SORCS2: variants seen among roughly 807,000 people sequenced by gnomAD.
The protein encoded by SORCS2 is sortilin related VPS10 domain containing receptor 2.
Under a neutral mutation model 141.6 loss-of-function variants are expected in SORCS2, and 100 were observed. The ratio of observed to expected loss-of-function variants is 0.71; its 90% CI spans 0.60 to 0.83. The LOEUF is 0.83. Among genes scored for constraint, SORCS2 ranks in the 40% least tolerant of loss-of-function variants. The probability of loss-of-function intolerance (pLI) is 0.00; values close to 1 mark genes in which losing one functional copy is unlikely to be tolerated. For synonymous variants in SORCS2, 789 were observed against 676.9 expected, an observed-to-expected ratio of 1.17 and a Z score of -2.57; for missense variants, 1,646 against 1,560.2, an observed-to-expected ratio of 1.05 and a Z score of -0.93.
intron 2 of SORCS2, among the ~76,000 whole-genome samples, chr4:7,461,958 A>AG (rs1729340930): frequency 3.3e-5 from 5 of 151,984 alleles, no homozygotes; most frequent in African/African-American, 1.2e-4. Context: ...CTGCTGTCCC[A>AG]CGGCAGCTGG....
At chr4:7,243,720 C>T (rs1284564154) in intron 1 of SORCS2, among the ~76,000 whole-genome samples, 2 of 152,262 alleles carry the variant, frequency 1.3e-5, no homozygotes, top group African/African-American at 4.8e-5. Flanking sequence ...CAAAGGCACA[C>T]TGAGCCCTGC....
intron 3 of SORCS2, among the ~76,000 whole-genome samples, chr4:7,592,825 T>TTGAA (rs757004065): frequency 1.2e-3 from 188 of 152,252 alleles, no homozygotes; most frequent in African/African-American, 2.3e-3. Flanking sequence ...TGTTGAATGA[T>TTGAA]TGAATGAATG....
At position 7,342,731 on chromosome 4, in the gene SORCS2, T is replaced by G. The variant is rs890052707; in HGVS notation, c.481-53557T>G. Among the ~76,000 whole-genome samples the G allele has an allele frequency of 2.0e-5, 3 of 152,174 alleles. No homozygotes were observed. In the East Asian group the frequency reaches 5.8e-4, roughly 29 times the overall value. ...GGTGTGTCCCCTATAAAGTTTCATG[T>G]AAAATAATCTGCCTTAAAGAATGGC... On this transcript the variant is annotated intron_variant, in intron 1 of 26. Transcript: ENST00000507866.
Position 7,472,128 on chromosome 4 carries a change from T to A in SORCS2, c.549-59402T>A, listed in dbSNP as rs114957438. ...CAGGACACTCAGGAGTGCTCTGTGC[T>A]GTTAGCTCGTGTCCCTGGCACTGCC... is the stretch of plus-strand genomic sequence containing the variant. On this transcript the variant is annotated intron_variant, in intron 2 of 26. Coordinates refer to ENST00000507866, the MANE Select transcript of SORCS2 (RefSeq NM_020777.3). Among the ~76,000 whole-genome samples the A allele has an allele frequency of 4.5e-3, 681 of 152,328 alleles. 2 individuals are homozygous for A. The highest frequency in any genetic ancestry group is 7.0e-3 in the Non-Finnish European group (474 of 68,030).
At chr4:7,423,666 C>A (rs1041316313) in intron 2 of SORCS2, among the ~76,000 whole-genome samples, 2 of 152,192 alleles carry the variant, frequency 1.3e-5, no homozygotes, top group African/African-American at 4.8e-5. Context: ...CCAGGACCAG[C>A]CCTACCCTGG....
rs923410997 is a variant in SORCS2, at chr4:7,742,385, T to G, written c.*2121T>G. ...CAACATGGAACCCTGGGAACTGCCC[T>G]CCCCCTTAGCTCACAGTGCCTGCGG... On this transcript the variant is annotated 3_prime_UTR_variant, in exon 27 of 27. Transcript: ENST00000507866. The G allele has an allele frequency of 6.6e-6, 1 of 152,250 alleles. No homozygotes were observed. Among genetic ancestry groups the G allele is most frequent in the Non-Finnish European group, 1.5e-5 (1 of 68,106 alleles). 9.4% of individuals were successfully genotyped at this position (152,250 alleles called of 1,614,324 possible).
chr4:7,681,923 A>G (rs1723549710), intron 9 of SORCS2, among the ~76,000 whole-genome samples: 1 of 152,208 alleles, frequency 6.6e-6, no homozygotes, highest in Admixed American at 6.5e-5. Flanking sequence ...CCTGGCACAC[A>G]GGAGGCCTTG....
At chr4:7,586,151 G>C (rs1471033200) in intron 3 of SORCS2, among the ~76,000 whole-genome samples, 1 of 152,128 alleles carries the variant, frequency 6.6e-6, no homozygotes, top group Non-Finnish European at 1.5e-5. Flanking sequence ...ATGATTTGGG[G>C]CTTGATATCT....
intron 1 of SORCS2, among the ~76,000 whole-genome samples, chr4:7,354,958 ATC>A (rs1721158333): frequency 1.3e-5 from 2 of 152,160 alleles, no homozygotes; most frequent in Non-Finnish European, 2.9e-5. Context: ...TATTTTATTT[ATC>A]CCAATCTCAT....
chr4:7,215,335 G>A (rs1370030992), intron 1 of SORCS2, among the ~76,000 whole-genome samples: 2 of 152,220 alleles, frequency 1.3e-5, no homozygotes, highest in African/African-American at 4.8e-5. Context: ...CGCTGCGCTC[G>A]ATTTCTCACC....
At chr4:7,262,459 A>C (rs1714426482) in intron 1 of SORCS2, among the ~76,000 whole-genome samples, 1 of 151,792 alleles carries the variant, frequency 6.6e-6, no homozygotes, top group South Asian at 2.1e-4. Context: ...GCCACTGCTT[A>C]AGCACTGGGA....
intron 2 of SORCS2, among the ~76,000 whole-genome samples, chr4:7,408,921 T>C (rs561637619): frequency 6.2e-4 from 95 of 152,306 alleles, no homozygotes; most frequent in African/African-American, 2.0e-3. Context: ...GTTCCACAGG[T>C]GTTTTTCTCA....
At chr4:7,306,465 G>A (rs572994723) in intron 1 of SORCS2, among the ~76,000 whole-genome samples, 80 of 152,322 alleles carry the variant, frequency 5.3e-4, no homozygotes, top group Non-Finnish European at 9.0e-4. Flanking sequence ...GAGGGTTTGC[G>A]GTGTGGCTGC....
intron 1 of SORCS2, among the ~76,000 whole-genome samples, chr4:7,280,802 C>T (rs779702063): frequency 5.3e-5 from 8 of 152,252 alleles, no homozygotes; most frequent in Middle Eastern, 6.8e-3. Flanking sequence ...GGGATGGATG[C>T]GCTACAATGA....
At chr4:7,408,468 G>A (rs115529887) in intron 2 of SORCS2, among the ~76,000 whole-genome samples, 6,471 of 151,820 alleles carry the variant, frequency 0.043, 173 homozygotes, top group Admixed American at 0.049. Context: ...GTCTGTTGCC[G>A]GATGAATTGA....
At chr4:7,530,948 C>G (rs1018882620) in intron 2 of SORCS2, among the ~76,000 whole-genome samples, 2 of 152,176 alleles carry the variant, frequency 1.3e-5, no homozygotes, top group Non-Finnish European at 2.9e-5. Context: ...GCTGCCCGAA[C>G]TCTGGTACCT....
intron 1 of SORCS2, among the ~76,000 whole-genome samples, chr4:7,271,321 C>A (rs1421374581): frequency 1.3e-5 from 2 of 152,214 alleles, no homozygotes; most frequent in Non-Finnish European, 2.9e-5. Context: ...AACAATTCAG[C>A]CCCTGTTCCT....
intron 3 of SORCS2, among the ~76,000 whole-genome samples, chr4:7,576,139 G>A (rs990183167): frequency 3.3e-5 from 5 of 152,196 alleles, no homozygotes; most frequent in Non-Finnish European, 5.9e-5. Context: ...ATTAGCGTGC[G>A]AGGGAGAGAA....
chr4:7,326,390 T>C (rs28615500), intron 1 of SORCS2, among the ~76,000 whole-genome samples: 21,232 of 152,134 alleles, frequency 0.14, 1,534 homozygotes, highest in Middle Eastern at 0.16. Context: ...CCCCTCTTGG[T>C]TGTGAGACTG....
Sources: gnomAD v4.1 joint callset for allele counts (sites outside exome capture counted in the v4.1 genomes callset) on GRCh38, gnomAD v4.1.1 for gene constraint, MANE v1.5 for transcripts, NCBI Gene and HGNC (gene_info 2026-07-23, HGNC 2026-07-21) for gene names.